Variants in RIMS1 observed in about 807,000 individuals in gnomAD.
The protein encoded by RIMS1 is regulating synaptic membrane exocytosis protein 1.
In RIMS1, 83 loss-of-function variants were observed where a neutral mutation model predicts 214.1. The observed-to-expected ratio is 0.39, with a 90% CI of 0.32 to 0.47. The LOEUF is 0.47. Among genes scored for constraint, RIMS1 ranks in the 20% least tolerant of loss-of-function variants. RIMS1 has a pLI of 0.99. For synonymous variants in RIMS1, 793 were observed against 786.8 expected, an observed-to-expected ratio of 1.01 and a Z score of -0.13; for missense variants, 2,050 against 2,161.8, an observed-to-expected ratio of 0.95 and a Z score of 1.03.
chr6:71,980,558 A>G (rs1306298419), intron 2 of RIMS1, among the ~76,000 whole-genome samples: 1 of 152,116 alleles, frequency 6.6e-6, no homozygotes, highest in Non-Finnish European at 1.5e-5. Flanking sequence ...CTTGAAGTCC[A>G]GCTTTGATAA....
At chr6:72,335,051 G>A (rs1594072645) in intron 29 of RIMS1, among the ~76,000 whole-genome samples, 1 of 151,674 alleles carries the variant, frequency 6.6e-6, no homozygotes, top group South Asian at 2.1e-4. Flanking sequence ...CTGGTTTTTG[G>A]TGTTTTGTTT....
At chr6:72,330,569 C>A (rs1257011871) in intron 28 of RIMS1, among the ~76,000 whole-genome samples, 1 of 151,530 alleles carries the variant, frequency 6.6e-6, no homozygotes, top group Admixed American at 6.6e-5. Context: ...CCCAATATAA[C>A]CAGTACAAAA....
At chr6:72,304,869 A>G (rs559093042) in intron 26 of RIMS1, among the ~76,000 whole-genome samples, 3 of 151,988 alleles carry the variant, frequency 2.0e-5, no homozygotes, top group Non-Finnish European at 4.4e-5. Flanking sequence ...TCCGAGAGCA[A>G]GAGTGAGGAT....
intron 2 of RIMS1, among the ~76,000 whole-genome samples, chr6:71,992,396 C>T (rs1185692974): frequency 3.7e-5 from 3 of 80,108 alleles, no homozygotes; most frequent in African/African-American, 5.5e-5. Flanking sequence ...TTCTTTCTTT[C>T]TCTCTCTCTC....
chr6:71,981,845 T>G (rs185665916), intron 2 of RIMS1, among the ~76,000 whole-genome samples: 1 of 152,256 alleles, frequency 6.6e-6, no homozygotes. Flanking sequence ...CCTGCAGTGT[T>G]CACCTCTTGA....
At chr6:72,246,486 A>T (rs569502558) in intron 11 of RIMS1, among the ~76,000 whole-genome samples, 155 of 152,314 alleles carry the variant, frequency 1.0e-3, no homozygotes, top group African/African-American at 3.5e-3. Context: ...CCAAATATTT[A>T]CTTTGCAATG....
At chr6:72,207,125 G>A (rs1270000038) in intron 6 of RIMS1, among the ~76,000 whole-genome samples, 1 of 152,108 alleles carries the variant, frequency 6.6e-6, no homozygotes, top group East Asian at 1.9e-4. Context: ...AGAAAGTACT[G>A]GCCTTTATGT....
chr6:71,923,387 A>C (rs1780594250), intron 1 of RIMS1, among the ~76,000 whole-genome samples: 1 of 152,184 alleles, frequency 6.6e-6, no homozygotes, highest in Admixed American at 6.5e-5. Flanking sequence ...GATTTTCTTC[A>C]GGATACAAGG....
At chr6:71,971,256 G>A (rs558925741) in intron 2 of RIMS1, among the ~76,000 whole-genome samples, 1 of 152,240 alleles carries the variant, frequency 6.6e-6, no homozygotes, top group South Asian at 2.1e-4. Context: ...GAGAGAAGTA[G>A]GGAAAATGGA....
At chr6:72,023,467 G>A (rs535481148) in intron 2 of RIMS1, among the ~76,000 whole-genome samples, 1 of 151,892 alleles carries the variant, frequency 6.6e-6, no homozygotes, top group Non-Finnish European at 1.5e-5. Flanking sequence ...TCACTCTCAA[G>A]AAATCTAGAT....
intron 29 of RIMS1, among the ~76,000 whole-genome samples, chr6:72,343,957 C>T (rs944317495): frequency 6.6e-6 from 1 of 151,714 alleles, no homozygotes; most frequent in Non-Finnish European, 1.5e-5. Flanking sequence ...GAATAATATA[C>T]ACTGATATAA....
chr6:72,118,982 G>A (rs1189315101), intron 4 of RIMS1, among the ~76,000 whole-genome samples: 1 of 151,506 alleles, frequency 6.6e-6, no homozygotes, highest in Admixed American at 6.6e-5. Context: ...AGACCAATCA[G>A]ACAAGAGAAA....
At position 72,400,881 on chromosome 6, in the gene RIMS1, A is replaced by C; in HGVS notation, c.*167A>C. On this transcript the variant is annotated 3_prime_UTR_variant, in exon 34 of 34. Transcript: ENST00000521978. ...CAATTGTTATTTAAAACATGGCTTCATATGACAGAACAAGGCAATCTATCA... is the reference window on the plus strand; with the variant it reads ...CAATTGTTATTTAAAACATGGCTTCCTATGACAGAACAAGGCAATCTATCA... The C allele has an allele frequency of 1.7e-6, 1 of 594,824 alleles. No individual in the cohort carries two copies. Among genetic ancestry groups the C allele is most frequent in the South Asian group, 2.3e-5 (1 of 43,552 alleles). The allele number at this position is 594,824 out of a possible 1,614,324, so 36.8% of individuals were successfully genotyped here.
intron 11 of RIMS1, among the ~76,000 whole-genome samples, 187 bp downstream of exon 11, chr6:72,246,048 C>T (rs1024759858): frequency 3.3e-5 from 5 of 151,890 alleles, no homozygotes; most frequent in African/African-American, 1.2e-4. Context: ...CAGGATTTTT[C>T]TTCCTCTACT....
intron 29 of RIMS1, among the ~76,000 whole-genome samples, chr6:72,371,726 A>G (rs1418503018): frequency 2.6e-5 from 4 of 152,186 alleles, no homozygotes; most frequent in African/African-American, 7.2e-5. Context: ...GGACCCAACC[A>G]GTCCCTGTGT....
chr6:72,333,604 T>C lies in RIMS1; in HGVS notation c.4135T>C (p.Phe1379Leu), dbSNP rs751097274. The C allele has an allele frequency of 6.3e-7, 1 of 1,581,426 alleles. No individual in the cohort carries two copies. Among genetic ancestry groups the C allele is most frequent in the African/African-American group, 1.3e-5 (1 of 74,146 alleles). Reference sequence around the variant, plus strand: ...GTTTTTACTTTGTAAATATAGTTCATTTACCCCCAAAATGCAAGGCAGACG... The same window carrying C: ...GTTTTTACTTTGTAAATATAGTTCACTTACCCCCAAAATGCAAGGCAGACG... Reference protein sequence around the residue: ...SERPRGRISSFTPKMQGRRMG... With the variant: ...SERPRGRISSLTPKMQGRRMG... Residue 1379 changes from phenylalanine (F) to leucine (L), a missense_variant, in exon 29 of 34, where the codon TTT becomes CTT. Physicochemically the swap from Phe to Leu is conservative, Grantham distance 22. This residue lies in a region of RIMS1 where 889 missense variants were observed against 885.5 expected (regional missense o/e 1.00). Coordinates refer to ENST00000521978, the MANE Select transcript of RIMS1 (RefSeq NM_014989.7).
At chr6:72,273,416 A>G (rs886619172) in intron 22 of RIMS1, among the ~76,000 whole-genome samples, 7 of 152,252 alleles carry the variant, frequency 4.6e-5, no homozygotes, top group Admixed American at 1.3e-4. Context: ...TAGAATTTTC[A>G]TATATAATAA....
chr6:72,334,678 G>A (rs2096780664), intron 29 of RIMS1, among the ~76,000 whole-genome samples: 1 of 151,816 alleles, frequency 6.6e-6, no homozygotes, highest in Non-Finnish European at 1.5e-5. Context: ...TTCCTTAATA[G>A]CAAGAGCCTT....
chr6:72,344,293 G>C (rs1199320343), intron 29 of RIMS1, among the ~76,000 whole-genome samples: 3 of 151,720 alleles, frequency 2.0e-5, no homozygotes, highest in Non-Finnish European at 4.4e-5. Flanking sequence ...TTTAAGTCTG[G>C]TATGGCTTTG....
Sources: allele counts gnomAD v4.1 joint callset (sites outside exome capture counted in the v4.1 genomes callset), GRCh38; gene constraint gnomAD v4.1.1; regional missense constraint gnomAD v4.1.1; transcripts MANE v1.5; gene names NCBI Gene and HGNC (gene_info 2026-07-23, HGNC 2026-07-21).